Variants in NOL7 observed in about 807,000 individuals in gnomAD.
The protein encoded by NOL7 is U3 small nucleolar RNA-associated protein NOL7.
NOL7 carries 36 observed loss-of-function variants against 38.4 expected under a neutral mutation model. The ratio of observed to expected loss-of-function variants is 0.94; its 90% confidence interval spans 0.72 to 1.24. The LOEUF is 1.24. Ranked by LOEUF, NOL7 falls within the 50% of genes most tolerant of loss-of-function variation. The pLI, the probability that NOL7 is intolerant of heterozygous loss-of-function variation, is 0.00. For missense variants in NOL7, 350 were observed against 315.1 expected (o/e 1.11, Z -0.84); for synonymous variants, 142 against 126.5 (o/e 1.12, Z -0.82).
intron 8 of NOL7, among the ~76,000 whole-genome samples, chr6:13,630,502 A>G (rs1764748031): frequency 6.8e-6 from 1 of 146,768 alleles, no homozygotes; most frequent in Non-Finnish European, 1.5e-5. Flanking sequence ...AGTGTAAAAA[A>G]AGTCTTAAGA....
chr6:13,624,705 A>C (rs1012172886), downstream of NOL7, among the ~76,000 whole-genome samples: 11 of 152,218 alleles, frequency 7.2e-5, no homozygotes, highest in African/African-American at 2.7e-4. Context: ...ATGGCAACCA[A>C]ACGAACATCG....
intron 5 of NOL7, 101 bp from the exon 6 acceptor site, chr6:13,620,107 T>G: frequency 1.5e-6 from 2 of 1,316,990 alleles, no homozygotes; most frequent in Non-Finnish European, 2.0e-6. Context: ...TGAGCTGAGA[T>G]CGCGCAGCCT....
chr6:13,629,325 G>A (rs1244262048), intron 8 of NOL7, among the ~76,000 whole-genome samples: 1 of 152,128 alleles, frequency 6.6e-6, no homozygotes, highest in African/African-American at 2.4e-5. Context: ...AAACTGGGAG[G>A]AAATAAATTC....
At chr6:13,622,321 C>T (rs192334218), downstream of NOL7, 7 of 1,458,934 alleles carry the variant, frequency 4.8e-6, no homozygotes, top group African/African-American at 1.0e-4. Flanking sequence ...TCCATGTTGA[C>T]TATATGCCAC....
downstream of NOL7, chr6:13,625,788 T>A (rs1386737692): frequency 1.7e-5 from 25 of 1,492,302 alleles, no homozygotes; most frequent in African/African-American, 2.8e-5. Flanking sequence ...ATCGATTTGG[T>A]TTTAATTCAA....
rs147803121 is a variant in NOL7 at position 13,620,109 on chromosome 6, G to T, written c.501-99G>T. The T allele has an allele frequency of 6.9e-4, 928 of 1,344,748 alleles. 5 individuals carry two copies. The African/African-American group carries it at 0.013, about 18-fold the overall frequency. The allele number at this position is 1,344,748 out of a possible 1,614,324, so 83.3% of individuals were successfully genotyped here. On this transcript the variant is annotated intron_variant, in intron 5 of 7. Coordinates refer to ENST00000451315, the MANE Select transcript of NOL7 (RefSeq NM_016167.5). The stretch of plus-strand genomic sequence containing the variant: ...GCAGAAGTTGCAGTGAGCTGAGATC[G>T]CGCAGCCTGGGTGACAGAGCGAGAC...
chr6:13,628,687 C>G (rs1406705021), intron 8 of NOL7, among the ~76,000 whole-genome samples: 1 of 152,180 alleles, frequency 6.6e-6, no homozygotes, highest in Non-Finnish European at 1.5e-5. Flanking sequence ...TTGATTCTTT[C>G]TTCACAAAGG....
At chr6:13,631,550 A>G (rs1764781498) in intron 8 of NOL7, among the ~76,000 whole-genome samples, 1 of 152,210 alleles carries the variant, frequency 6.6e-6, no homozygotes, top group African/African-American at 2.4e-5. Flanking sequence ...ACTAACTTTC[A>G]GTCCAGGTCA....
rs757205631 is a variant in NOL7, at chr6:13,616,448, T to C, written c.328-15T>C. On this transcript the variant is annotated splice_polypyrimidine_tract_variant and intron_variant, in intron 2 of 7. Coordinates refer to ENST00000451315, the MANE Select transcript of NOL7 (RefSeq NM_016167.5). ...CATGACTTTCTATTAATTTTAAACG[T>C]TTTCATTCCAAAAGAAAAGAAAACT... 8.8e-6 allele frequency: 14 copies of C among 1,591,458 alleles called. No individual in the cohort carries two copies. The East Asian group carries it at 8.9e-5, about 10-fold the overall frequency.
chr6:13,617,898 T>TG (rs1356016098), intron 4 of NOL7, 97 bp downstream of exon 4: 6 of 1,264,450 alleles, frequency 4.7e-6, no homozygotes, highest in Non-Finnish European at 6.9e-6. Context: ...AAAGCCAGCA[T>TG]GGGCCTGGCC....
intron 8 of NOL7, among the ~76,000 whole-genome samples, chr6:13,628,308 A>G (rs528906650): frequency 6.6e-6 from 1 of 152,326 alleles, no homozygotes; most frequent in African/African-American, 2.4e-5. Flanking sequence ...GATGACCAGG[A>G]CCTAGTCACT....
rs778953813 is a variant in NOL7, at chr6:13,617,801, G to C, written c.418G>C (p.Val140Leu). The change falls in exon 4 of 8, where the codon GTT (valine) becomes CTT (leucine). Residue 140 changes from valine (V) to leucine (L), a missense_variant and splice_region_variant. By Grantham distance (32) the Val-to-Leu change is conservative. Coordinates refer to ENST00000451315, the MANE Select transcript of NOL7 (RefSeq NM_016167.5). Reference sequence around the variant, plus strand: ...GAAATCGCCAGGAAAGGTGAAAGAAGGTATGACTATTCTAATTTAACTAAC... The same window carrying C: ...GAAATCGCCAGGAAAGGTGAAAGAACGTATGACTATTCTAATTTAACTAAC... ...IKKSPGKVKE[V>L]NLQKKNEDCE... The C allele has an allele frequency of 3.7e-6, 6 of 1,613,234 alleles. No homozygotes were observed. The Admixed American group carries it at 8.3e-5, about 22-fold the overall frequency.
Position 13,620,919 on chromosome 6 carries a change from C to A in NOL7, c.*92C>A. 1 of 817,362 alleles carries A rather than the reference C, an allele frequency of 1.2e-6. No individual in the cohort carries two copies. The highest frequency in any genetic ancestry group is 1.9e-6 in the Non-Finnish European group (1 of 530,882). 50.6% of individuals were successfully genotyped at this position (817,362 alleles called of 1,614,324 possible). On this transcript the variant is annotated 3_prime_UTR_variant, in exon 8 of 8. Transcript: ENST00000451315. ...CATTTTAAAGGATCATTATAAAAAT[C>A]ATAAACCTATTTGAGGAAGTGCTCA...
downstream of NOL7, among the ~76,000 whole-genome samples, chr6:13,626,091 A>C (rs1764596077): frequency 6.6e-6 from 1 of 152,194 alleles, no homozygotes; most frequent in South Asian, 2.1e-4. Context: ...CAGATGTTTT[A>C]CTTCACAATT....
intron 5 of NOL7, among the ~76,000 whole-genome samples, chr6:13,619,699 A>G (rs1764383949): frequency 6.7e-6 from 1 of 149,624 alleles, no homozygotes; most frequent in African/African-American, 2.6e-5. Context: ...AGTTGGATCT[A>G]TCTGAGATGC....
chr6:13,625,163 C>G (rs776884789), downstream of NOL7, among the ~76,000 whole-genome samples: 17 of 152,200 alleles, frequency 1.1e-4, no homozygotes, highest in Non-Finnish European at 2.4e-4. Flanking sequence ...TCTAGCCTAA[C>G]TCTTGTGACA....
chr6:13,624,111 C>T (rs1764533741), downstream of NOL7, among the ~76,000 whole-genome samples: 1 of 152,162 alleles, frequency 6.6e-6, no homozygotes, highest in Admixed American at 6.5e-5. Flanking sequence ...AAATATAACA[C>T]ATTAACCAAA....
chr6:13,623,002 T>C (rs764377406), downstream of NOL7, among the ~76,000 whole-genome samples: 1 of 152,088 alleles, frequency 6.6e-6, no homozygotes, highest in Non-Finnish European at 1.5e-5. Context: ...GAGTAAGTGG[T>C]GGTGGTGACA....
At chr6:13,617,910 A>C in intron 4 of NOL7, 109 bp downstream of exon 4, 1 of 1,164,308 alleles carries the variant, frequency 8.6e-7, no homozygotes, top group Non-Finnish European at 1.3e-6. Flanking sequence ...GGCCTGGCCA[A>C]GGTTAGCTGG....
Sources: allele counts gnomAD v4.1 joint callset (sites outside exome capture counted in the v4.1 genomes callset), GRCh38; gene constraint gnomAD v4.1.1; transcripts MANE v1.5; gene names NCBI Gene and HGNC (gene_info 2026-07-23, HGNC 2026-07-21).